The following SEC23B variants were observed in gnomAD, a reference collection of about 807,000 sequenced individuals.
SEC23B encodes the protein protein transport protein Sec23B.
Under a neutral mutation model 104.3 loss-of-function variants are expected in SEC23B, and 77 were observed. The observed-to-expected ratio is 0.74, with a 90% CI of 0.61 to 0.89. The LOEUF (loss-of-function observed/expected upper bound fraction) is 0.89. Among genes scored for constraint, SEC23B ranks in the 40% least tolerant of loss-of-function variants. The pLI, the probability that SEC23B is intolerant of heterozygous loss-of-function variation, is 0.00. For missense variants in SEC23B, 885 were observed against 949.4 expected, an observed-to-expected ratio of 0.93 and a Z score of 0.89; for synonymous variants, 338 against 332.5, an observed-to-expected ratio of 1.02 and a Z score of -0.18.
rs57231166 is a variant in SEC23B, at chr20:18,518,582, GTTTTT to G, written c.366+2865_366+2869del. Among the ~76,000 whole-genome samples, 21 of 92,664 alleles carry G rather than the reference GTTTTT, an allele frequency of 2.3e-4. 1 individual carries two copies. The South Asian group carries it at 4.1e-3, about 18-fold the overall frequency. 60.8% of individuals were successfully genotyped at this position (92,664 alleles called of 152,430 possible). On this transcript the variant is annotated intron_variant, in intron 4 of 19. Coordinates refer to ENST00000650089, the MANE Select transcript of SEC23B (RefSeq NM_006363.6). Reference sequence around the variant, plus strand: ...AATGGGCCTGTGAGGCTGGAAGGAGGTTTTTTTTTTTTTTTTTTTTTTTGTCTAAG... The same window carrying G: ...AATGGGCCTGTGAGGCTGGAAGGAGGTTTTTTTTTTTTTTTTTTGTCTAAG...
intron 16 of SEC23B, among the ~76,000 whole-genome samples, chr20:18,549,508 C>T (rs2060366001): frequency 6.6e-6 from 1 of 151,714 alleles, no homozygotes; most frequent in East Asian, 1.9e-4. Flanking sequence ...GTGGAACCCA[C>T]CGATACGGAG....
chr20:18,526,013 C>A, intron 7 of SEC23B, 81 bp downstream of exon 7: 1 of 1,462,738 alleles, frequency 6.8e-7, no homozygotes, highest in South Asian at 1.1e-5. Context: ...GTTTGAAAAT[C>A]ACTTGTGATC....
chr20:18,514,397 G>T (rs1203204810), intron 3 of SEC23B, among the ~76,000 whole-genome samples: 1 of 152,096 alleles, frequency 6.6e-6, no homozygotes, highest in Non-Finnish European at 1.5e-5. Flanking sequence ...GCCAGGATGG[G>T]GCTAGAGTCT....
chr20:18,522,079 A>G (rs1246514261), intron 4 of SEC23B, among the ~76,000 whole-genome samples: 1 of 152,136 alleles, frequency 6.6e-6, no homozygotes, highest in East Asian at 1.9e-4. Flanking sequence ...AGGCTAAGGG[A>G]GAAGAAGGGA....
At chr20:18,517,672 G>C (rs1338062773) in intron 4 of SEC23B, among the ~76,000 whole-genome samples, 1 of 152,154 alleles carries the variant, frequency 6.6e-6, no homozygotes, top group Non-Finnish European at 1.5e-5. Flanking sequence ...ACTGCTTCTA[G>C]CGGGATTAGG....
chr20:18,512,061 G>A (rs1274367286), intron 2 of SEC23B, among the ~76,000 whole-genome samples, 164 bp from the exon 3 acceptor site: 1 of 152,064 alleles, frequency 6.6e-6, no homozygotes, highest in Admixed American at 6.5e-5. Flanking sequence ...TTCTAACTGC[G>A]GTGAACGTTT....
chr20:18,527,535 C>T lies in SEC23B; in HGVS notation c.1033C>T (p.His345Tyr). The change falls in exon 9 of 20, where the codon CAC becomes TAC. Residue 345 changes from histidine to tyrosine, a missense_variant. Coordinates refer to ENST00000650089, the MANE Select transcript of SEC23B (RefSeq NM_006363.6). ...TGCTAATCGAACAGCTGCAAATGGT[C>T]ACTGCATTGATATTTATGCTTGTGC... ...MLANRTAANG[H>Y]CIDIYACALD... The T allele has an allele frequency of 6.2e-7, 1 of 1,613,494 alleles. No individual in the cohort carries two copies. Among genetic ancestry groups the T allele is most frequent in the Non-Finnish European group, 8.5e-7 (1 of 1,179,380 alleles).
intron 12 of SEC23B, 43 bp from the exon 13 acceptor site, chr20:18,542,253 G>A: frequency 6.5e-7 from 1 of 1,544,408 alleles, no homozygotes; most frequent in Non-Finnish European, 9.0e-7. Flanking sequence ...CCGTGTTTGA[G>A]TTGCGCCTAT....
intron 4 of SEC23B, among the ~76,000 whole-genome samples, chr20:18,521,574 G>C (rs1202106186): frequency 6.6e-6 from 1 of 152,220 alleles, no homozygotes; most frequent in East Asian, 1.9e-4. Context: ...GGGAGGGCTA[G>C]TCGTGGAACG....
intron 19 of SEC23B, among the ~76,000 whole-genome samples, chr20:18,557,971 G>A (rs1484195183): frequency 6.6e-6 from 1 of 151,534 alleles, no homozygotes; most frequent in East Asian, 1.9e-4. Flanking sequence ...GGCTGGTCTC[G>A]AACTCCTGAC....
chr20:18,554,078 G>A (rs1284162393), intron 17 of SEC23B, among the ~76,000 whole-genome samples, 157 bp from the exon 18 acceptor site: 2 of 152,176 alleles, frequency 1.3e-5, no homozygotes, highest in South Asian at 2.1e-4. Context: ...TCCTCCTGCC[G>A]GTAGCTCTGC....
intron 9 of SEC23B, among the ~76,000 whole-genome samples, chr20:18,527,863 C>CT (rs1409745301): frequency 6.6e-6 from 1 of 152,200 alleles, no homozygotes; most frequent in African/African-American, 2.4e-5. Flanking sequence ...GTTGTTAACA[C>CT]TTTTACAGAG....
upstream of SEC23B, chr20:18,507,733 G>A (rs538732810): frequency 3.1e-4 from 47 of 152,418 alleles, 1 homozygote; most frequent in African/African-American, 1.1e-3. Flanking sequence ...GTGTTCCGAG[G>A]AACTCTCGTT....
chr20:18,540,596 C>G (rs891668808), intron 12 of SEC23B, among the ~76,000 whole-genome samples: 1 of 152,214 alleles, frequency 6.6e-6, no homozygotes, highest in African/African-American at 2.4e-5. Flanking sequence ...TGGCTCACAC[C>G]TGTAATCCCA....
intron 3 of SEC23B, among the ~76,000 whole-genome samples, chr20:18,512,615 T>C (rs1295353586): frequency 6.6e-6 from 1 of 152,236 alleles, no homozygotes; most frequent in Non-Finnish European, 1.5e-5. Context: ...TCTGATTGGA[T>C]AGTGTATATT....
rs749449660 is a variant in SEC23B at position 18,510,879 on chromosome 20, A to G, written c.44A>G (p.Asp15Gly). 6.2e-7 allele frequency: 1 copy of G among 1,614,022 alleles called. No homozygotes were observed. Among genetic ancestry groups the G allele is most frequent in the East Asian group, 2.2e-5 (1 of 44,894 alleles). The change falls in exon 2 of 20, where the codon GAT (aspartate) becomes GGT (glycine). Residue 15 changes from aspartate (D) to glycine (G), a missense_variant. By Grantham distance (94) the Asp-to-Gly change is moderately conservative (BLOSUM62 -1). Transcript: ENST00000650089. ...TTCATCCAGCAGAATGAAGAACGGG[A>G]TGGTGTGCGTTTTAGTTGGAACGTG... ...LEFIQQNEERDGVRFSWNVWP... is the reference protein window; with the variant it reads ...LEFIQQNEERGGVRFSWNVWP...
intron 7 of SEC23B, 109 bp from the exon 8 acceptor site, chr20:18,526,264 T>A: frequency 7.8e-7 from 1 of 1,286,378 alleles, no homozygotes. Flanking sequence ...TCACCACTTT[T>A]TAGGACAGCT....
In SEC23B at chr20:18,510,960, T is replaced by A. The variant is rs1393254579; in HGVS notation, c.125T>A (p.Leu42His). 3 of 1,614,154 alleles carry A rather than the reference T, an allele frequency of 1.9e-6. No homozygotes were observed. The highest frequency in any genetic ancestry group is 1.7e-6 in the Non-Finnish European group (2 of 1,180,010). Residue 42 changes from leucine to histidine, a missense_variant, in exon 2 of 20, where the codon CTT becomes CAT. Physicochemically the swap from Leu to His is moderately conservative, Grantham distance 99 (BLOSUM62 -3). Coordinates refer to ENST00000650089, the MANE Select transcript of SEC23B (RefSeq NM_006363.6). Reference protein sequence around the residue: ...TRMVVPLACLLTPLKERPDLP... With the variant: ...TRMVVPLACLHTPLKERPDLP... ...ATGGTTGTACCCCTGGCTTGTCTCC[T>A]TACTCCTTTGAAAGAACGTCCAGAC...
chr20:18,526,024 T>A, intron 7 of SEC23B, 92 bp downstream of exon 7: 1 of 1,390,030 alleles, frequency 7.2e-7, no homozygotes, highest in Non-Finnish European at 1.0e-6. Flanking sequence ...ACTTGTGATC[T>A]AAGTCAACCG....
Sources: gnomAD v4.1 joint callset for allele counts (sites outside exome capture counted in the v4.1 genomes callset) on GRCh38, gnomAD v4.1.1 for gene constraint, MANE v1.5 for transcripts, NCBI Gene and HGNC (gene_info 2026-07-23, HGNC 2026-07-21) for gene names.